The following MTR variants were observed in gnomAD, a reference collection of about 807,000 sequenced individuals.
MTR encodes methionine synthase.
Under a neutral mutation model 154.8 loss-of-function variants are expected in MTR, and 84 were observed. The ratio of observed to expected loss-of-function variants is 0.54; its 90% CI spans 0.45 to 0.65. The LOEUF (loss-of-function observed/expected upper bound fraction) is 0.65. MTR is among the 30% of genes least tolerant of loss of function. The probability of loss-of-function intolerance (pLI) is 0.00; values close to 1 mark genes in which losing one functional copy is unlikely to be tolerated. For missense variants in MTR, 1,275 were observed against 1,570.2 expected (o/e 0.81, Z 3.18); for synonymous variants, 554 against 553.9 (o/e 1.00, Z 0.00).
chr1:236,829,380 A>G, intron 12 of MTR, 112 bp downstream of exon 12: 2 of 902,140 alleles, frequency 2.2e-6, no homozygotes, highest in South Asian at 1.3e-5. Context: ...GTCGAAGAAG[A>G]ATCCATATAT....
intron 25 of MTR, among the ~76,000 whole-genome samples, chr1:236,884,465 A>G (rs1025138820): frequency 1.3e-5 from 2 of 152,196 alleles, no homozygotes; most frequent in African/African-American, 2.4e-5. Flanking sequence ...TGTTATGACC[A>G]TGGTTTATTG....
Position 236,901,534 on chromosome 1 carries a change from C to A in MTR, c.*3890C>A, listed in dbSNP as rs913705787. On this transcript the variant is annotated 3_prime_UTR_variant, in exon 33 of 33. Coordinates refer to ENST00000366577, the MANE Select transcript of MTR (RefSeq NM_000254.3). ...ACCTGGGAGTTGCCCCTGACCCCTC[C>A]AGTCTTAGCTCCTGCTCCTGTAACA... 1 of 152,238 alleles carries A rather than the reference C, an allele frequency of 6.6e-6. No homozygotes were observed. The highest frequency in any genetic ancestry group is 2.4e-5 in the African/African-American group (1 of 41,424). 9.4% of individuals were successfully genotyped at this position (152,238 alleles called of 1,614,324 possible).
Position 236,822,889 on chromosome 1 carries a change from G to A in MTR, c.765-1230G>A, listed in dbSNP as rs1040922921. On this transcript the variant is annotated intron_variant, in intron 8 of 32. Coordinates refer to ENST00000366577, the MANE Select transcript of MTR (RefSeq NM_000254.3). ...CAATATTGAATAAGAGATGAGAGTG[G>A]ATATCCTTGCCTTGTTCCTCATCTT... Among the ~76,000 whole-genome samples the A allele has an allele frequency of 2.0e-5, 3 of 152,102 alleles. No homozygotes were observed. In the South Asian group the frequency reaches 6.2e-4, roughly 32 times the overall value.
intron 13 of MTR, 86 bp from the exon 14 acceptor site, chr1:236,835,461 G>T: frequency 6.5e-7 from 1 of 1,536,160 alleles, no homozygotes; most frequent in Non-Finnish European, 9.0e-7. Context: ...TTGAAGGATT[G>T]CTGGGAAGGG....
chr1:236,872,718 C>T (rs1440860928), intron 22 of MTR, among the ~76,000 whole-genome samples: 1 of 152,176 alleles, frequency 6.6e-6, no homozygotes, highest in African/African-American at 2.4e-5. Flanking sequence ...GCAGGCCGGG[C>T]ACTGTGGCTC....
At chr1:236,853,716 T>C (rs1465028068) in intron 18 of MTR, among the ~76,000 whole-genome samples, 1 of 152,228 alleles carries the variant, frequency 6.6e-6, no homozygotes, top group African/African-American at 2.4e-5. Flanking sequence ...TTCCATGTTT[T>C]GGTTTGTATA....
At chr1:236,885,247 GT>G in intron 26 of MTR, 28 bp downstream of exon 26, 1 of 1,396,306 alleles carries the variant, frequency 7.2e-7, no homozygotes, top group Non-Finnish European at 1.0e-6. Flanking sequence ...ATTTTTGCTT[GT>G]TTTTAATGTG....
At chr1:236,823,670 G>C (rs1297511037) in intron 8 of MTR, among the ~76,000 whole-genome samples, 1 of 152,076 alleles carries the variant, frequency 6.6e-6, no homozygotes, top group Non-Finnish European at 1.5e-5. Context: ...CTCTGCCTGT[G>C]GGGTAGAGCA....
At chr1:236,813,919 A>G (rs1661448532) in intron 6 of MTR, among the ~76,000 whole-genome samples, 2 of 151,882 alleles carry the variant, frequency 1.3e-5, no homozygotes, top group African/African-American at 4.8e-5. Flanking sequence ...TACAGATTCT[A>G]TTTTTTTGTT....
chr1:236,808,804 C>A, intron 4 of MTR, 31 bp downstream of exon 4: 1 of 1,599,638 alleles, frequency 6.3e-7, no homozygotes, highest in Non-Finnish European at 8.6e-7. Flanking sequence ...TTTTTGCACA[C>A]GTGGTTCCTT....
chr1:236,806,085 A>C, intron 2 of MTR, 59 bp from the exon 3 acceptor site: 2 of 1,423,760 alleles, frequency 1.4e-6, no homozygotes, highest in South Asian at 2.3e-5. Context: ...GGGCATGTTT[A>C]TTCTGGGGGC....
chr1:236,879,926 G>A (rs1163297534), intron 24 of MTR, among the ~76,000 whole-genome samples: 1 of 152,046 alleles, frequency 6.6e-6, no homozygotes, highest in Non-Finnish European at 1.5e-5. Context: ...AGCCGAGGCA[G>A]GTGGATCACT....
intron 22 of MTR, among the ~76,000 whole-genome samples, chr1:236,866,441 G>A (rs779133002): frequency 2.0e-5 from 3 of 151,802 alleles, no homozygotes; most frequent in Non-Finnish European, 4.4e-5. Flanking sequence ...CCCTTTCCTC[G>A]GGCCTCCATA....
At chr1:236,800,571 G>A (rs1660649150) in intron 1 of MTR, 3 of 804,080 alleles carry the variant, frequency 3.7e-6, no homozygotes, top group African/African-American at 1.9e-5. Context: ...TCACTCGACT[G>A]TTAGAAGACA....
chr1:236,885,257 T>G (rs1665952484), intron 26 of MTR, 38 bp downstream of exon 26: 1 of 1,313,280 alleles, frequency 7.6e-7, no homozygotes, highest in Non-Finnish European at 1.1e-6. Flanking sequence ...GTTTTTAATG[T>G]GACTGTTTTT....
At chr1:236,862,103 G>A (rs1664579267) in intron 20 of MTR, 133 bp from the exon 21 acceptor site, 2 of 781,376 alleles carry the variant, frequency 2.6e-6, no homozygotes, top group Admixed American at 1.8e-5. Context: ...TCTGCCTACT[G>A]TCAAAAGACT....
In MTR at chr1:236,899,492, C is replaced by A. The variant is rs1405394438; in HGVS notation, c.*1848C>A. On this transcript the variant is annotated 3_prime_UTR_variant, in exon 33 of 33. Coordinates refer to ENST00000366577, the MANE Select transcript of MTR (RefSeq NM_000254.3). ...GTGGGAAAAAAAGAAATTTTACTTT[C>A]TCTCACCTTACCTGGTGATAAGTTC... 1.3e-5 allele frequency: 2 copies of A among 152,210 alleles called. No homozygotes were observed. Among genetic ancestry groups the A allele is most frequent in the African/African-American group, 2.4e-5 (1 of 41,460 alleles). The allele number at this position is 152,210 out of a possible 1,614,324, so 9.4% of individuals were successfully genotyped here.
chr1:236,883,201 A>C (rs1665845405), intron 25 of MTR, among the ~76,000 whole-genome samples: 1 of 152,230 alleles, frequency 6.6e-6, no homozygotes, highest in East Asian at 1.9e-4. Context: ...TATTTTTAAA[A>C]ATGAAGGAAA....
chr1:236,847,414 T>G (rs1421422024), intron 15 of MTR, among the ~76,000 whole-genome samples: 1 of 152,228 alleles, frequency 6.6e-6, no homozygotes, highest in Non-Finnish European at 1.5e-5. Flanking sequence ...AAATCAAAAA[T>G]TGTTTTATTG....
Sources: allele counts gnomAD v4.1 joint callset (sites outside exome capture counted in the v4.1 genomes callset), GRCh38; gene constraint gnomAD v4.1.1; transcripts MANE v1.5; gene names NCBI Gene and HGNC (gene_info 2026-07-23, HGNC 2026-07-21).